The following VPS13A variants were observed in gnomAD, a reference collection of about 807,000 sequenced individuals.
VPS13A encodes vacuolar protein sorting 13 homolog A.
Under a neutral mutation model 390.9 loss-of-function variants are expected in VPS13A, and 264 were observed. That is an observed-to-expected ratio of 0.68 (90% CI 0.61 to 0.75). The LOEUF (loss-of-function observed/expected upper bound fraction) is 0.75, where lower values mean the gene tolerates loss of function less well. Among genes scored for constraint, VPS13A ranks in the 30% least tolerant of loss-of-function variants. VPS13A has a pLI of 0.00. For synonymous variants in VPS13A, 1,231 were observed against 1,227.1 expected (o/e 1.00, Z -0.07); for missense variants, 3,409 against 3,733.9 (o/e 0.91, Z 2.27).
In VPS13A at chr9:77,405,903, C is replaced by A. The variant is rs1197508826; in HGVS notation, c.9315C>A (p.Leu3105=). 4 of 1,613,856 alleles carry A rather than the reference C, an allele frequency of 2.5e-6. No individual in the cohort carries two copies. The highest frequency in any genetic ancestry group is 3.4e-6 in the Non-Finnish European group (4 of 1,180,004). The part of the protein sequence containing the change: ...LFVTKGTFGQ[L]TCEWQYSFDE... ...TAACAAAGGGAACATTTGGACAACTCACGTGTGAGTGGCAGTATAGTTTTG... is the reference window on the plus strand; with the variant it reads ...TAACAAAGGGAACATTTGGACAACTAACGTGTGAGTGGCAGTATAGTTTTG... Residue 3105 remains leucine, a synonymous_variant, in exon 70 of 72, where the codon CTC becomes CTA. Coordinates refer to ENST00000360280, the MANE Select transcript of VPS13A (RefSeq NM_033305.3).
chr9:77,200,099 A>C (rs1825237629), intron 2 of VPS13A, 111 bp downstream of exon 2: 3 of 1,091,264 alleles, frequency 2.7e-6, no homozygotes, highest in Non-Finnish European at 4.0e-6. Flanking sequence ...GTTTTTTGTA[A>C]ATAATTTTTG....
Position 77,307,948 on chromosome 9 carries a change from A to G in VPS13A, c.3964A>G (p.Ile1322Val), listed in dbSNP as rs748664714. 1.9e-6 allele frequency: 3 copies of G among 1,585,444 alleles called. No individual in the cohort carries two copies. In the Admixed American group the frequency reaches 5.0e-5, roughly 27 times the overall value. Residue 1322 changes from isoleucine (I) to valine (V), a missense_variant, in exon 35 of 72, where the codon ATT (isoleucine) becomes GTT (valine). Transcript: ENST00000360280. ...VNAQLKPMEF[I>V]LSQEDITTIF... ...ACAAATCTTTTTTTTTTAACAGTTC[A>G]TTCTTAGTCAAGAAGATATAACAAC...
At chr9:77,260,667 G>A (rs1193990354) in intron 23 of VPS13A, among the ~76,000 whole-genome samples, 1 of 151,550 alleles carries the variant, frequency 6.6e-6, no homozygotes, top group Non-Finnish European at 1.5e-5. Context: ...AAAATTACAT[G>A]TTGAGAGAGA....
chr9:77,250,366 T>C (rs1825086032), intron 21 of VPS13A, 137 bp downstream of exon 21: 3 of 1,092,738 alleles, frequency 2.7e-6, no homozygotes, highest in Admixed American at 2.0e-5. Flanking sequence ...AAATATTGTC[T>C]AGCTGTTCTT....
chr9:77,265,533 A>ATG (rs1825990413), intron 23 of VPS13A, among the ~76,000 whole-genome samples: 1 of 152,140 alleles, frequency 6.6e-6, no homozygotes, highest in South Asian at 2.1e-4. Context: ...GAGAGGGTGT[A>ATG]TGTGTCCAGG....
intron 68 of VPS13A, among the ~76,000 whole-genome samples, chr9:77,388,312 C>T (rs137890316): frequency 2.1e-3 from 326 of 152,152 alleles, no homozygotes; most frequent in African/African-American, 6.1e-3. Flanking sequence ...TTATACAAAA[C>T]GTAGAAAGTC....
Position 77,260,222 on chromosome 9 carries a change from C to A in VPS13A, c.2425C>A (p.Gln809Lys). ...AGTATCTGCCCCTGTCAAATCATTC[C>A]AGGTAATGTTACTTTCAAAATTAAT... is the stretch of plus-strand genomic sequence containing the variant. Reference protein sequence around the residue: ...TEVSAPVKSFQIQTSTSLGTS... With the variant: ...TEVSAPVKSFKIQTSTSLGTS... Residue 809 changes from glutamine to lysine, a missense_variant and splice_region_variant, in exon 23 of 72, where the codon CAG becomes AAG. Gln to Lys is a moderately conservative substitution (Grantham distance 53). Coordinates refer to ENST00000360280, the MANE Select transcript of VPS13A (RefSeq NM_033305.3). 6.2e-7 allele frequency: 1 copy of A among 1,612,750 alleles called. No homozygotes were observed. Among genetic ancestry groups the A allele is most frequent in the South Asian group, 1.1e-5 (1 of 90,738 alleles).
rs1216728056 is a variant in VPS13A, at chr9:77,366,734, T to C, written c.8333T>C (p.Leu2778Ser). The C allele has an allele frequency of 1.9e-6, 3 of 1,611,536 alleles. No individual in the cohort carries two copies. The highest frequency in any genetic ancestry group is 2.5e-6 in the Non-Finnish European group (3 of 1,178,386). ...ATCTCTTTATCTTTTTAGTTACATT[T>C]AAGTGTTTCACTGAGTTCCGGCAGA... ...YFHISPIKLH[L>S]SVSLSSGREE... The change falls in exon 61 of 72, where the codon TTA becomes TCA. Residue 2778 changes from leucine to serine, a missense_variant. By Grantham distance (145) the Leu-to-Ser change is moderately radical. This residue lies in a region of VPS13A where 123 missense variants were observed against 118.7 expected (regional missense o/e 1.04). Transcript: ENST00000360280.
Position 77,283,456 on chromosome 9 carries a change from GA to G in VPS13A, c.3223del (p.Ile1075LeufsTer10). On this transcript the variant is annotated frameshift_variant, in exon 30 of 72. Coordinates refer to ENST00000360280, the MANE Select transcript of VPS13A (RefSeq NM_033305.3). LOFTEE classifies it high-confidence loss of function. ...FIQDQKCNIS[E>X]IKIEGLDSEM... ...TCAAGATCAGAAATGTAACATTTCT[GA>G]AATTAAGATTGAAGGTAATAAAATT... 1 of 1,604,262 alleles carries G rather than the reference GA, an allele frequency of 6.2e-7. No homozygotes were observed. The highest frequency in any genetic ancestry group is 8.5e-7 in the Non-Finnish European group (1 of 1,171,816).
intron 58 of VPS13A, among the ~76,000 whole-genome samples, chr9:77,359,604 G>C (rs956479884): frequency 6.6e-6 from 1 of 152,114 alleles, no homozygotes; most frequent in African/African-American, 2.4e-5. Context: ...GATCACTTGA[G>C]GTCGGGAGTT....
chr9:77,316,138 A>G, intron 38 of VPS13A, 36 bp from the exon 39 acceptor site: 2 of 1,247,746 alleles, frequency 1.6e-6, no homozygotes, highest in South Asian at 3.1e-5. Flanking sequence ...TTCATAATAT[A>G]TAGCAAATAT....
intron 27 of VPS13A, 26 bp from the exon 28 acceptor site, chr9:77,281,841 A>G (rs1564692305): frequency 1.3e-6 from 2 of 1,533,932 alleles, no homozygotes; most frequent in Non-Finnish European, 1.8e-6. Flanking sequence ...AACGTGTTCT[A>G]ACAGATTTGT....
chr9:77,195,507 C>T (rs191247795), intron 1 of VPS13A, among the ~76,000 whole-genome samples: 5 of 152,218 alleles, frequency 3.3e-5, no homozygotes, highest in African/African-American at 7.2e-5. Context: ...GAGGCTGAGG[C>T]GGGTGGATCA....
intron 13 of VPS13A, among the ~76,000 whole-genome samples, chr9:77,225,511 G>A (rs1167922524): frequency 6.6e-6 from 1 of 152,122 alleles, no homozygotes; most frequent in East Asian, 1.9e-4. Flanking sequence ...CTCCCAGAGT[G>A]TTGGGGTTAC....
chr9:77,226,973 G>A (rs1311729793), intron 15 of VPS13A, among the ~76,000 whole-genome samples: 2 of 151,988 alleles, frequency 1.3e-5, no homozygotes, highest in Non-Finnish European at 2.9e-5. Context: ...TAGAGACTTA[G>A]GTATATGTTT....
At chr9:77,413,303 A>C (rs1835023343) in intron 71 of VPS13A, among the ~76,000 whole-genome samples, 1 of 152,226 alleles carries the variant, frequency 6.6e-6, no homozygotes, top group Non-Finnish European at 1.5e-5. Context: ...AGCCAAAAGA[A>C]CAAAGTTGGA....
chr9:77,389,322 T>C (rs868364101), intron 68 of VPS13A, among the ~76,000 whole-genome samples: 22 of 151,934 alleles, frequency 1.4e-4, no homozygotes, highest in Non-Finnish European at 2.2e-4. Flanking sequence ...TTTTTTTTTT[T>C]TTTGAGACAG....
Position 77,356,733 on chromosome 9 carries a change from A to G in VPS13A, c.7672A>G (p.Thr2558Ala). The G allele has an allele frequency of 1.2e-6, 2 of 1,612,874 alleles. No individual in the cohort carries two copies. The highest frequency in any genetic ancestry group is 2.2e-5 in the East Asian group (1 of 44,798). ...GITSSDVVWE[T>A]KPKKKARWKP... ...AATAAGTTCTGATGTGGTTTGGGAAACAAAGCCCAAGAAGAAGGCAAGATG... is the reference window on the plus strand; with the variant it reads ...AATAAGTTCTGATGTGGTTTGGGAAGCAAAGCCCAAGAAGAAGGCAAGATG... The change falls in exon 55 of 72, where the codon ACA becomes GCA. Residue 2558 changes from threonine to alanine, a missense_variant. Coordinates refer to ENST00000360280, the MANE Select transcript of VPS13A (RefSeq NM_033305.3).
chr9:77,366,568 A>G (rs1832441649), intron 60 of VPS13A, among the ~76,000 whole-genome samples, 159 bp from the exon 61 acceptor site: 2 of 152,126 alleles, frequency 1.3e-5, no homozygotes, highest in South Asian at 4.1e-4. Flanking sequence ...TTAGATTTTA[A>G]ATTTCTTCAT....
Sources: gnomAD v4.1 joint callset for allele counts (sites outside exome capture counted in the v4.1 genomes callset) on GRCh38, gnomAD v4.1.1 for gene constraint, gnomAD v4.1.1 regional missense constraint, MANE v1.5 for transcripts, NCBI Gene and HGNC (gene_info 2026-07-23, HGNC 2026-07-21) for gene names.